The following TUSC3 variants were observed in gnomAD, a reference collection of about 807,000 sequenced individuals.
TUSC3 encodes tumor suppressor candidate 3, also known as dolichyl-diphosphooligosaccharide--protein glycosyltransferase subunit TUSC3.
Under a neutral mutation model 44.8 loss-of-function variants are expected in TUSC3, and 45 were observed. The observed-to-expected ratio is 1.00, with a 90% CI of 0.79 to 1.29. The LOEUF is 1.29. Among genes scored for constraint, TUSC3 ranks in the 50% most tolerant of loss-of-function variants. The pLI, the probability that TUSC3 is intolerant of heterozygous loss-of-function variation, is 0.00. For synonymous variants in TUSC3, 212 were observed against 152.9 expected, an observed-to-expected ratio of 1.39 and a Z score of -2.85; for missense variants, 519 against 437.9, an observed-to-expected ratio of 1.19 and a Z score of -1.65.
intron 2 of TUSC3, among the ~76,000 whole-genome samples, chr8:15,489,879 C>G (rs142574586): frequency 2.0e-5 from 3 of 152,230 alleles, no homozygotes; most frequent in South Asian, 2.1e-4. Flanking sequence ...ATAATATATT[C>G]TATTCTGAAA....
the TUSC3 span, among the ~76,000 whole-genome samples, chr8:15,802,541 C>A: frequency 6.6e-6 from 1 of 152,160 alleles, no homozygotes; most frequent in African/African-American, 2.4e-5. Flanking sequence ...CCTGCCTCAG[C>A]CTCCCAACTA....
rs1277201481 is a variant in TUSC3, at chr8:15,556,998, C to T, written c.138+16430C>T. 1.4e-5 allele frequency among the ~76,000 whole-genome samples: 2 copies of T among 146,598 alleles called. 1 individual carries two copies. Among genetic ancestry groups the T allele is most frequent in the Admixed American group, 1.4e-4 (2 of 14,460 alleles). ...TAATTTCTTTTGCTGTGCAGAAGCT[C>T]TTTAGTTTAATTAGATCCCATTTGT... On this transcript the variant is annotated intron_variant, in intron 1 of 10. Transcript: ENST00000503731.
chr8:15,420,552 T>C (rs1218042593), intron 1 of TUSC3, among the ~76,000 whole-genome samples: 1 of 152,046 alleles, frequency 6.6e-6, no homozygotes, highest in African/African-American at 2.4e-5. Context: ...ACAAAACTTG[T>C]GAAGTCATTT....
chr8:15,550,826 A>G (rs951222225), intron 1 of TUSC3, among the ~76,000 whole-genome samples: 8 of 151,394 alleles, frequency 5.3e-5, no homozygotes, highest in Non-Finnish European at 1.2e-4. Flanking sequence ...CGTGCACCAC[A>G]ACACTTGGCT....
chr8:15,445,945 C>G (rs377194110), intron 1 of TUSC3, among the ~76,000 whole-genome samples: 2 of 140,540 alleles, frequency 1.4e-5, no homozygotes, highest in East Asian at 2.3e-4. Context: ...GCTGGCCGGA[C>G]GGGGGCTGCC....
the TUSC3 span, chr8:15,806,277 T>C: frequency 4.8e-6 from 3 of 631,240 alleles, no homozygotes; most frequent in Admixed American, 6.5e-5. Context: ...GGGGATGTTC[T>C]CATTGGCTAA....
chr8:15,665,860 A>G (rs1432547415), intron 5 of TUSC3, among the ~76,000 whole-genome samples: 1 of 151,318 alleles, frequency 6.6e-6, no homozygotes, highest in East Asian at 1.9e-4. Flanking sequence ...GTTAACTACT[A>G]TTTATAGATA....
At position 15,561,040 on chromosome 8, in the gene TUSC3, T is replaced by C. The variant is rs539541979; in HGVS notation, c.138+20472T>C. On this transcript the variant is annotated intron_variant, in intron 1 of 10. Transcript: ENST00000503731. ...TTCTCCATCCAGCTTTGTTCCGTTG[T>C]TGGTGAGGAACTGCGTTCCTTTGGA... Among the ~76,000 whole-genome samples, 470 of 123,514 alleles carry C rather than the reference T, an allele frequency of 3.8e-3. 1 individual carries two copies. Among genetic ancestry groups the C allele is most frequent in the Non-Finnish European group, 5.5e-3 (306 of 55,920 alleles). 81.0% of individuals were successfully genotyped at this position (123,514 alleles called of 152,430 possible). A position where few individuals can be genotyped will look rare whatever the true frequency, so the allele number is the denominator to read the frequency against.
intron 2 of TUSC3, among the ~76,000 whole-genome samples, chr8:15,638,426 C>T (rs1232254071): frequency 1.3e-5 from 2 of 151,138 alleles, no homozygotes; most frequent in East Asian, 3.9e-4. Flanking sequence ...CAGTAATTGT[C>T]GCGTATAGTT....
chr8:15,572,594 G>T (rs950113851), intron 1 of TUSC3, among the ~76,000 whole-genome samples: 5 of 152,162 alleles, frequency 3.3e-5, no homozygotes, highest in African/African-American at 1.2e-4. Flanking sequence ...CGGTGCAAGA[G>T]GTGTAGCTTT....
At position 15,763,880 on chromosome 8, in the gene TUSC3, G is replaced by T. The variant is rs554635514; in HGVS notation, c.*47-323G>T. 7.9e-5 allele frequency among the ~76,000 whole-genome samples: 12 copies of T among 152,040 alleles called. No homozygotes were observed. The South Asian group carries it at 2.5e-3, about 32-fold the overall frequency. ...CGCATTTGTTTCAGTCCATTCCCTT[G>T]TATTTCCCCTACATTACCATTTTAA... On this transcript the variant is annotated intron_variant, in intron 10 of 10. Coordinates refer to ENST00000503731, the MANE Select transcript of TUSC3 (RefSeq NM_006765.4).
At chr8:15,809,734 GTAACCAAAAC>G in the TUSC3 span, among the ~76,000 whole-genome samples, 1 of 151,838 alleles carries the variant, frequency 6.6e-6, no homozygotes, top group African/African-American at 2.4e-5. Flanking sequence ...GTGACCAAGG[GTAACCAAAAC>G]TGTAGCAAGT....
At chr8:15,707,225 C>G (rs544885521) in intron 6 of TUSC3, among the ~76,000 whole-genome samples, 11 of 151,906 alleles carry the variant, frequency 7.2e-5, no homozygotes, top group Non-Finnish European at 1.3e-4. Flanking sequence ...GCTAAAAATG[C>G]TTATGCCAAG....
At chr8:15,554,828 A>C (rs1342019414) in intron 1 of TUSC3, among the ~76,000 whole-genome samples, 1 of 150,564 alleles carries the variant, frequency 6.6e-6, no homozygotes, top group Non-Finnish European at 1.5e-5. Context: ...GATGGTGTCG[A>C]TCTCCTGACC....
intron 1 of TUSC3, among the ~76,000 whole-genome samples, chr8:15,479,359 G>C (rs529427894): frequency 1.3e-5 from 2 of 151,996 alleles, no homozygotes; most frequent in East Asian, 3.9e-4. Context: ...ATTTTTGCCC[G>C]TGCCTATGTT....
chr8:15,429,989 C>G (rs1005931297), intron 1 of TUSC3, among the ~76,000 whole-genome samples: 4 of 151,408 alleles, frequency 2.6e-5, no homozygotes, highest in Non-Finnish European at 5.9e-5. Flanking sequence ...GCAATAATAG[C>G]CCACCAACCA....
chr8:15,670,262 G>A (rs1231904613), intron 5 of TUSC3, among the ~76,000 whole-genome samples: 2 of 151,778 alleles, frequency 1.3e-5, no homozygotes, highest in Non-Finnish European at 2.9e-5. Context: ...GAATAGTTGA[G>A]ACAATATGAA....
chr8:15,468,183 G>A (rs575925976), intron 1 of TUSC3, among the ~76,000 whole-genome samples: 12 of 152,258 alleles, frequency 7.9e-5, no homozygotes, highest in Middle Eastern at 3.4e-3. Flanking sequence ...ACGGAATTTC[G>A]TTTGGTTGGT....
chr8:15,846,774 C>T, the TUSC3 span, among the ~76,000 whole-genome samples: 1 of 151,392 alleles, frequency 6.6e-6, no homozygotes, highest in Non-Finnish European at 1.5e-5. Flanking sequence ...ATGTAGATGA[C>T]GGGTTGATGG....
Sources: gnomAD v4.1 joint callset for allele counts (sites outside exome capture counted in the v4.1 genomes callset) on GRCh38, gnomAD v4.1.1 for gene constraint, MANE v1.5 for transcripts, NCBI Gene and HGNC (gene_info 2026-07-23, HGNC 2026-07-21) for gene names.